Variants in SNED1 observed in about 807,000 individuals in gnomAD.
SNED1 encodes sushi, nidogen and EGF like domains 1, also known as sushi, nidogen and EGF-like domain-containing protein 1.
A neutral mutation model predicts 166.7 loss-of-function variants in SNED1; 81 were observed. That is an observed-to-expected ratio of 0.49 (90% CI 0.41 to 0.58). The LOEUF is 0.58. SNED1 is among the 20% of genes least tolerant of loss of function. The pLI is 0.00. For synonymous variants in SNED1, 762 were observed against 822.0 expected (o/e 0.93, Z 1.25); for missense variants, 1,604 against 2,000.2 (o/e 0.80, Z 3.78).
Position 241,073,568 on chromosome 2 carries a change from C to A in SNED1, c.3916+204C>A. 1 of 624,218 alleles carries A rather than the reference C, an allele frequency of 1.6e-6. No individual in the cohort carries two copies. The highest frequency in any genetic ancestry group is 2.5e-5 in the Admixed American group (1 of 39,536). The allele number at this position is 624,218 out of a possible 1,614,324, so 38.7% of individuals were successfully genotyped here. On this transcript the variant is annotated intron_variant, in intron 27 of 31. Transcript: ENST00000310397. This position sits in a 1 kb window ranked among gnomAD's most constrained non-coding sequence, Gnocchi z 6.6. Reference sequence around the variant, plus strand: ...AGCAGTGGGACCCCACAGACGGGAACAGGCCAGGGGGCAGGACCCACCCAA... The same window carrying A: ...AGCAGTGGGACCCCACAGACGGGAAAAGGCCAGGGGGCAGGACCCACCCAA...
chr2:241,018,374 G>A lies in SNED1; in HGVS notation c.214-11910G>A, dbSNP rs1424675490. 1.3e-5 allele frequency among the ~76,000 whole-genome samples: 2 copies of A among 152,202 alleles called. No homozygotes were observed. Among genetic ancestry groups the A allele is most frequent in the Non-Finnish European group, 2.9e-5 (2 of 68,040 alleles). ...GGACAGAGATGGGGAACCCAGCGCA[G>A]GTCAGGTTGCCAGCTCAGCAGTAGC... On this transcript the variant is annotated intron_variant, in intron 1 of 31. Transcript: ENST00000310397. This position sits in a 1 kb window ranked among gnomAD's most constrained non-coding sequence, Gnocchi z 5.4.
At chr2:241,070,286 G>T in intron 24 of SNED1, 85 bp downstream of exon 24, 1 of 1,373,984 alleles carries the variant, frequency 7.3e-7, no homozygotes, top group Non-Finnish European at 9.7e-7. Context: ...CCCTGCAGGG[G>T]CCTGGGATGC....
chr2:241,076,068 TGGC>T (rs1394719993), intron 27 of SNED1, among the ~76,000 whole-genome samples: 1 of 152,248 alleles, frequency 6.6e-6, no homozygotes. Context: ...TGGAACTGAT[TGGC>T]AAAGTTCCTT....
At chr2:241,056,663 C>T (rs2062051408) in intron 16 of SNED1, among the ~76,000 whole-genome samples, 2 of 143,228 alleles carry the variant, frequency 1.4e-5, no homozygotes, top group Non-Finnish European at 3.0e-5. Flanking sequence ...TCACTGCAAT[C>T]TCCGCCTCCT....
In SNED1 at chr2:241,070,062, T is replaced by A; in HGVS notation, c.3450T>A (p.Tyr1150Ter). The change falls in exon 24 of 32, where the codon TAT becomes TAA. Residue 1150 changes from tyrosine (Y) to a stop codon, truncating the protein, a stop_gained. Transcript: ENST00000310397. LOFTEE classifies it high-confidence loss of function. ...CCAGCCAGAGCACCAAGAGCCGCTA[T>A]GTCCCCAACGGGAAGCTGGCGTCCT... ...VTTSQSTKSR[Y>*]VPNGKLASYT... 1 of 1,613,106 alleles carries A rather than the reference T, an allele frequency of 6.2e-7. No homozygotes were observed. The highest frequency in any genetic ancestry group is 8.5e-7 in the Non-Finnish European group (1 of 1,179,886).
intron 1 of SNED1, among the ~76,000 whole-genome samples, chr2:241,006,839 G>A (rs11892819): frequency 0.058 from 8,838 of 152,184 alleles, 840 homozygotes; most frequent in African/African-American, 0.2. Context: ...TCCTAGGGTC[G>A]TGGCAAGAGA....
chr2:241,009,480 C>T (rs1238675215), intron 1 of SNED1, among the ~76,000 whole-genome samples: 1 of 152,040 alleles, frequency 6.6e-6, no homozygotes, highest in Non-Finnish European at 1.5e-5. Context: ...GCTGTCAACA[C>T]AAGGAAGCAG....
chr2:241,076,601 C>T (rs994665479), intron 27 of SNED1, among the ~76,000 whole-genome samples: 1 of 152,192 alleles, frequency 6.6e-6, no homozygotes, highest in Non-Finnish European at 1.5e-5. Flanking sequence ...CCTGCTCACA[C>T]CTGTAATCCC....
At chr2:241,065,829 C>T (rs968032617) in intron 21 of SNED1, among the ~76,000 whole-genome samples, 1 of 151,994 alleles carries the variant, frequency 6.6e-6, no homozygotes, top group African/African-American at 2.4e-5. Flanking sequence ...AGAATCGAGC[C>T]AAGAGTGGGA....
intron 1 of SNED1, among the ~76,000 whole-genome samples, chr2:241,005,804 C>G (rs1217317787): frequency 5.3e-5 from 8 of 152,010 alleles, no homozygotes; most frequent in African/African-American, 1.9e-4. Flanking sequence ...TCTTTTTTCT[C>G]TGATTCCTTT....
In SNED1 at chr2:241,075,308, A is replaced by G. The variant is rs1366837296; in HGVS notation, c.3916+1944A>G. On this transcript the variant is annotated intron_variant, in intron 27 of 31. Coordinates refer to ENST00000310397, the MANE Select transcript of SNED1 (RefSeq NM_001080437.3). This position sits in a 1 kb window ranked among gnomAD's most constrained non-coding sequence, Gnocchi z 4.8. ...TTACATGAGAACTAAGTCATTTTCT[A>G]AGAGGCGATAGCAGTCTGCGCTCCC... 1 of 152,202 alleles carries G rather than the reference A, an allele frequency of 6.6e-6. No homozygotes were observed. Among genetic ancestry groups the G allele is most frequent in the Non-Finnish European group, 1.5e-5 (1 of 68,048 alleles). The allele number at this position is 152,202 out of a possible 1,614,324, so 9.4% of individuals were successfully genotyped here. A position where few individuals can be genotyped will look rare whatever the true frequency, so the allele number is the denominator to read the frequency against.
chr2:241,071,744 C>T lies in SNED1; in HGVS notation c.3734+24C>T, dbSNP rs1234382572. The stretch of plus-strand genomic sequence containing the variant: ...AGGTACATGCCCCACCCATCGGCCC[C>T]ATCGCCCGAGGCGGCGCTCGGACTG... On this transcript the variant is annotated intron_variant, in intron 25 of 31. Coordinates refer to ENST00000310397, the MANE Select transcript of SNED1 (RefSeq NM_001080437.3). The T allele has an allele frequency of 1.9e-6, 3 of 1,539,158 alleles. No individual in the cohort carries two copies. In the East Asian group the frequency reaches 7.3e-5, roughly 38 times the overall value.
chr2:241,076,438 A>T lies in SNED1; in HGVS notation c.3916+3074A>T, dbSNP rs568113897. On this transcript the variant is annotated intron_variant, in intron 27 of 31. Transcript: ENST00000310397. ...ACTTTTCCTGATTATTTATTACTGGAGTATAGATATTTATTTGACCTTTGC... is the reference window on the plus strand; with the variant it reads ...ACTTTTCCTGATTATTTATTACTGGTGTATAGATATTTATTTGACCTTTGC... 2.3e-3 allele frequency among the ~76,000 whole-genome samples: 345 copies of T among 152,284 alleles called. 1 individual carries two copies. Among genetic ancestry groups the T allele is most frequent in the African/African-American group, 7.7e-3 (321 of 41,538 alleles).
chr2:241,071,436 G>C (rs2062709577), intron 24 of SNED1, 140 bp from the exon 25 acceptor site: 1 of 981,366 alleles, frequency 1.0e-6, no homozygotes, highest in East Asian at 2.6e-5. Flanking sequence ...AAGCACCTTG[G>C]ATGACCACGG....
intron 31 of SNED1, chr2:241,089,873 G>A (rs998938124): frequency 8.1e-6 from 12 of 1,481,750 alleles, no homozygotes; most frequent in Middle Eastern, 1.8e-4. Context: ...ACACCACAGC[G>A]TGTTACTGAA....
Position 241,068,183 on chromosome 2 carries a change from T to G in SNED1, c.3194+236T>G, listed in dbSNP as rs1359872393. Among the ~76,000 whole-genome samples the G allele has an allele frequency of 6.6e-6, 1 of 151,906 alleles. No homozygotes were observed. Among genetic ancestry groups the G allele is most frequent in the Non-Finnish European group, 1.5e-5 (1 of 67,974 alleles). On this transcript the variant is annotated intron_variant, in intron 22 of 31. Transcript: ENST00000310397. This position sits in a 1 kb window ranked among gnomAD's most constrained non-coding sequence, Gnocchi z 5.3. ...TACACCTTGGTAGTGTTTTAAAGTG[T>G]CCAAAAAGAGCAGGAAAAGCTCAGA...
In SNED1 at chr2:241,018,327, G is replaced by A. The variant is rs2060662053; in HGVS notation, c.214-11957G>A. On this transcript the variant is annotated intron_variant, in intron 1 of 31. Coordinates refer to ENST00000310397, the MANE Select transcript of SNED1 (RefSeq NM_001080437.3). This position sits in a 1 kb window ranked among gnomAD's most constrained non-coding sequence, Gnocchi z 5.4. The stretch of plus-strand genomic sequence containing the variant: ...CACTTACATGGGGGCACGTTTGGGT[G>A]CAGATACCACCTGGATCCACAGGAC... Among the ~76,000 whole-genome samples the A allele has an allele frequency of 6.6e-6, 1 of 152,350 alleles. No homozygotes were observed. The highest frequency in any genetic ancestry group is 6.5e-5 in the Admixed American group (1 of 15,310).
chr2:241,040,701 G>A (rs1422819023), intron 8 of SNED1, among the ~76,000 whole-genome samples: 2 of 152,204 alleles, frequency 1.3e-5, no homozygotes, highest in African/African-American at 4.8e-5. Flanking sequence ...GTTTCCATCT[G>A]TGAAATGCCA....
intron 29 of SNED1, among the ~76,000 whole-genome samples, chr2:241,083,652 G>T (rs984655565): frequency 3.9e-5 from 6 of 152,124 alleles, no homozygotes; most frequent in African/African-American, 1.4e-4. Flanking sequence ...CCATCTTCCC[G>T]CTGTGCTTAG....
Sources: allele counts gnomAD v4.1 joint callset (sites outside exome capture counted in the v4.1 genomes callset), GRCh38; gene constraint gnomAD v4.1.1; non-coding constraint Gnocchi (gnomAD v3.1); transcripts MANE v1.5; gene names NCBI Gene and HGNC (gene_info 2026-07-23, HGNC 2026-07-21).